SDCCAG8: variants seen among roughly 807,000 people sequenced by gnomAD.
SDCCAG8 encodes the protein SHH signaling and ciliogenesis regulator SDCCAG8.
SDCCAG8 carries 74 observed loss-of-function variants against 101.8 expected under a neutral mutation model. The ratio of observed to expected loss-of-function variants is 0.73; its 90% CI spans 0.60 to 0.88. The LOEUF (loss-of-function observed/expected upper bound fraction) is 0.88. SDCCAG8 is among the 40% of genes least tolerant of loss of function. The probability of loss-of-function intolerance (pLI) is 0.00; values close to 1 mark genes in which losing one functional copy is unlikely to be tolerated. For missense variants in SDCCAG8, 787 were observed against 822.6 expected, an observed-to-expected ratio of 0.96 and a Z score of 0.53; for synonymous variants, 281 against 292.9, an observed-to-expected ratio of 0.96 and a Z score of 0.41.
At chr1:243,338,065 C>T (rs995854270) in intron 10 of SDCCAG8, among the ~76,000 whole-genome samples, 1 of 151,936 alleles carries the variant, frequency 6.6e-6, no homozygotes, top group Non-Finnish European at 1.5e-5. Flanking sequence ...GGACTACAGG[C>T]GTGTGCCACC....
intron 12 of SDCCAG8, among the ~76,000 whole-genome samples, chr1:243,367,982 G>C (rs576904112): frequency 6.6e-6 from 1 of 151,916 alleles, no homozygotes; most frequent in African/African-American, 2.4e-5. Flanking sequence ...GGGAGGTCAA[G>C]GCAGGAGGAT....
chr1:243,404,286 T>C (rs1269307703), intron 13 of SDCCAG8, among the ~76,000 whole-genome samples: 1 of 152,094 alleles, frequency 6.6e-6, no homozygotes, highest in Non-Finnish European at 1.5e-5. Context: ...AAGCAGCAGG[T>C]TTCCAGGAAT....
At chr1:243,429,695 A>AT (rs796450909) in intron 16 of SDCCAG8, among the ~76,000 whole-genome samples, 47,972 of 92,948 alleles carry the variant, frequency 0.52, 13,415 homozygotes, top group Middle Eastern at 0.59. Flanking sequence ...TGCTCTGCTA[A>AT]TTTTTTTTTT....
At chr1:243,418,973 G>A (rs1178662768) in intron 15 of SDCCAG8, among the ~76,000 whole-genome samples, 1 of 152,010 alleles carries the variant, frequency 6.6e-6, no homozygotes, top group African/African-American at 2.4e-5. Context: ...AGGAAATATG[G>A]CTCAGCAAAC....
At chr1:243,367,074 G>C (rs1210168426) in intron 12 of SDCCAG8, among the ~76,000 whole-genome samples, 1 of 151,442 alleles carries the variant, frequency 6.6e-6, no homozygotes, top group Non-Finnish European at 1.5e-5. Context: ...TTTCTCAGTT[G>C]GCAAAAAAAA....
At chr1:243,400,963 G>A (rs1194756633) in intron 13 of SDCCAG8, among the ~76,000 whole-genome samples, 1 of 152,168 alleles carries the variant, frequency 6.6e-6, no homozygotes, top group Non-Finnish European at 1.5e-5. Context: ...GTGTTAGGAA[G>A]AAATGGAGCA....
At chr1:243,497,702 C>T (rs185728921) in intron 17 of SDCCAG8, among the ~76,000 whole-genome samples, 10 of 152,298 alleles carry the variant, frequency 6.6e-5, no homozygotes, top group Admixed American at 2.0e-4. Context: ...CAGGTCTTTA[C>T]GCCTATTCTG....
chr1:243,464,559 C>T (rs1031066300), intron 16 of SDCCAG8, among the ~76,000 whole-genome samples: 1 of 152,222 alleles, frequency 6.6e-6, no homozygotes, highest in African/African-American at 2.4e-5. Context: ...CACATATTTA[C>T]ACACATTGAA....
At chr1:243,266,321 C>CT (rs570185322) in intron 1 of SDCCAG8, among the ~76,000 whole-genome samples, 5,007 of 141,930 alleles carry the variant, frequency 0.035, 256 homozygotes, top group African/African-American at 0.12. Flanking sequence ...TTTTCTTTTT[C>CT]TTTTTTTTTT....
intron 1 of SDCCAG8, among the ~76,000 whole-genome samples, chr1:243,259,367 A>C (rs1054361081): frequency 5.3e-5 from 8 of 152,056 alleles, no homozygotes; most frequent in Non-Finnish European, 1.2e-4. Flanking sequence ...AGATCGCGCC[A>C]CTGCACTCCA....
intron 13 of SDCCAG8, among the ~76,000 whole-genome samples, chr1:243,390,147 CT>C (rs1318504447): frequency 3.3e-5 from 5 of 152,032 alleles, no homozygotes; most frequent in Non-Finnish European, 4.4e-5. Flanking sequence ...TGAACTTTAT[CT>C]TTTTTTTCCT....
chr1:243,420,040 G>T (rs1023711002), intron 15 of SDCCAG8, among the ~76,000 whole-genome samples: 1 of 152,194 alleles, frequency 6.6e-6, no homozygotes, highest in African/African-American at 2.4e-5. Flanking sequence ...AATGATGAAT[G>T]AATGAAACAA....
chr1:243,308,028 T>A lies in SDCCAG8; in HGVS notation c.780T>A (p.Leu260=). 2 of 1,614,110 alleles carry A rather than the reference T, an allele frequency of 1.2e-6. No individual in the cohort carries two copies. The highest frequency in any genetic ancestry group is 1.7e-5 in the Admixed American group (1 of 60,020). The change falls in exon 8 of 18, where the codon CTT becomes CTA. Residue 260 remains leucine, a synonymous_variant. Transcript: ENST00000366541. Reference sequence around the variant, plus strand: ...AATATCAGAGAACTTGTGAAGATCTTAAAGAGCAACTAAAGCATAAAGAAT... The same window carrying A: ...AATATCAGAGAACTTGTGAAGATCTAAAAGAGCAACTAAAGCATAAAGAAT... The part of the protein sequence containing the change: ...LAEYQRTCED[L]KEQLKHKEFL...
At chr1:243,312,711 A>AG (rs940479465) in intron 8 of SDCCAG8, among the ~76,000 whole-genome samples, 1 of 151,098 alleles carries the variant, frequency 6.6e-6, no homozygotes, top group African/African-American at 2.4e-5. Context: ...GTCTCCAAAA[A>AG]AAAAAAAAAA....
chr1:243,310,428 G>A (rs931303945), intron 8 of SDCCAG8, among the ~76,000 whole-genome samples: 1 of 152,066 alleles, frequency 6.6e-6, no homozygotes. Flanking sequence ...GGAAATTGGG[G>A]TTCAGAGAAG....
rs1435084951 is a variant in SDCCAG8, at chr1:243,270,050, CCGT to C, written c.68-54_68-52del. 5.0e-6 allele frequency: 8 copies of C among 1,613,340 alleles called. No homozygotes were observed. In the East Asian group the frequency reaches 1.6e-4, roughly 31 times the overall value. On this transcript the variant is annotated intron_variant, in intron 1 of 17. Transcript: ENST00000366541. ...AAAAACTGCCTTCCTGAGTAAGTGT[CCGT>C]TTGGTCAACCAGACTCCATGGGTCC...
At chr1:243,496,590 C>T (rs1311834861) in intron 17 of SDCCAG8, among the ~76,000 whole-genome samples, 1 of 152,220 alleles carries the variant, frequency 6.6e-6, no homozygotes, top group Non-Finnish European at 1.5e-5. Flanking sequence ...TGGCTAGAGC[C>T]ACCCACGGAG....
chr1:243,360,104 C>G (rs977541566), intron 12 of SDCCAG8, among the ~76,000 whole-genome samples: 1 of 149,966 alleles, frequency 6.7e-6, no homozygotes, highest in Non-Finnish European at 1.5e-5. Flanking sequence ...CCGTCTAGTT[C>G]AAGGTACTGT....
intron 12 of SDCCAG8, among the ~76,000 whole-genome samples, chr1:243,351,802 T>C (rs1418107207): frequency 1.3e-5 from 2 of 152,246 alleles, no homozygotes; most frequent in Admixed American, 6.5e-5. Context: ...GAACTTATTT[T>C]TCTAAAATGC....
Sources: gnomAD v4.1 joint callset for allele counts (sites outside exome capture counted in the v4.1 genomes callset) on GRCh38, gnomAD v4.1.1 for gene constraint, MANE v1.5 for transcripts, NCBI Gene and HGNC (gene_info 2026-07-23, HGNC 2026-07-21) for gene names.